ENO3: variants seen among roughly 807,000 people sequenced by gnomAD.
The protein encoded by ENO3 is enolase 3.
Under a neutral mutation model 47.7 loss-of-function variants are expected in ENO3, and 46 were observed. The ratio of observed to expected loss-of-function variants is 0.96; its 90% CI spans 0.76 to 1.23. The LOEUF is 1.23. Among genes scored for constraint, ENO3 ranks in the 50% most tolerant of loss-of-function variants. The pLI, the probability that ENO3 is intolerant of heterozygous loss-of-function variation, is 0.00. For synonymous variants in ENO3, 223 were observed against 225.9 expected (o/e 0.99, Z 0.11); for missense variants, 575 against 566.2 (o/e 1.02, Z -0.16).
At chr17:4,955,022 T>A in intron 6 of ENO3, 53 bp from the exon 7 acceptor site, 2 of 1,395,408 alleles carry the variant, frequency 1.4e-6, no homozygotes, top group Non-Finnish European at 9.9e-7. Context: ...CCCCTGTCCC[T>A]TCTTGAGCTC....
At chr17:4,949,926 C>T (rs769268160), upstream of ENO3, among the ~76,000 whole-genome samples, 260 of 152,144 alleles carry the variant, frequency 1.7e-3, 1 homozygote, top group Non-Finnish European at 3.0e-3. Context: ...ATCTCCTGAC[C>T]CCTGGCCCAC....
upstream of ENO3, chr17:4,950,276 C>G (rs777374196): frequency 1.3e-5 from 2 of 152,256 alleles, no homozygotes; most frequent in East Asian, 3.9e-4. Context: ...GGGCAGAGAC[C>G]TACCTCCCCG....
chr17:4,951,872 A>G lies in ENO3; in HGVS notation c.43A>G (p.Arg15Gly). The G allele has an allele frequency of 1.9e-6, 3 of 1,614,164 alleles. No individual in the cohort carries two copies. The highest frequency in any genetic ancestry group is 2.5e-6 in the Non-Finnish European group (3 of 1,180,008). The change falls in exon 2 of 12, where the codon AGG (arginine) becomes GGG (glycine). Residue 15 changes from arginine to glycine, a missense_variant. By Grantham distance (125) the Arg-to-Gly change is moderately radical. Coordinates refer to ENST00000519602, the MANE Select transcript of ENO3 (RefSeq NM_053013.4). ...CTTTGCCCGGGAAATCTTGGACTCC[A>G]GGGGCAACCCCACGGTGGAGGTGGA... ...KIFAREILDSRGNPTVEVDLH... is the reference protein window; with the variant it reads ...KIFAREILDSGGNPTVEVDLH...
Position 4,955,599 on chromosome 17 carries a change from A to G in ENO3, c.860A>G (p.Tyr287Cys), listed in dbSNP as rs1038733889. Residue 287 changes from tyrosine to cysteine, a missense_variant, in exon 8 of 12, where the codon TAT (tyrosine) becomes TGT (cysteine). By Grantham distance (194) the Tyr-to-Cys change is radical. Transcript: ENST00000519602. ...CTGTATAAGAGCTTTATCAAGAACT[A>G]TCCTGGTGAGGCGTTCGGGTGTCCC... ...GELYKSFIKN[Y>C]PVVSIEDPFD... The G allele has an allele frequency of 5.6e-5, 90 of 1,614,108 alleles. No individual in the cohort carries two copies. Among genetic ancestry groups the G allele is most frequent in the Non-Finnish European group, 7.6e-5 (90 of 1,180,052 alleles).
In ENO3 at chr17:4,956,674, C is replaced by T. The variant is rs765650202; in HGVS notation, c.1169C>T (p.Thr390Ile). The T allele has an allele frequency of 2.5e-6, 4 of 1,614,194 alleles. No individual in the cohort carries two copies. Among genetic ancestry groups the T allele is most frequent in the Non-Finnish European group, 3.4e-6 (4 of 1,180,032 alleles). Residue 390 changes from threonine (T) to isoleucine (I), a missense_variant, in exon 10 of 12, where the codon ACA (threonine) becomes ATA (isoleucine). Transcript: ENST00000519602. ...GCTGACCTTGTGGTGGGGCTCTGCA[C>T]AGGACAGGTACTTGTAGCTTCTCTC... Reference protein sequence around the residue: ...FIADLVVGLCTGQIKTGAPCR... With the variant: ...FIADLVVGLCIGQIKTGAPCR...
chr17:4,949,669 C>T (rs1342769550), upstream of ENO3, among the ~76,000 whole-genome samples: 1 of 152,116 alleles, frequency 6.6e-6, no homozygotes, highest in African/African-American at 2.4e-5. Context: ...TCCTCCGACC[C>T]GCCGCCGAGG....
chr17:4,955,321 G>T, intron 7 of ENO3, 24 bp downstream of exon 7: 1 of 1,614,112 alleles, frequency 6.2e-7, no homozygotes, highest in Non-Finnish European at 8.5e-7. Context: ...ACCCTGGGGG[G>T]CAGACCCCCT....
At position 4,953,693 on chromosome 17, in the gene ENO3, C is replaced by A; in HGVS notation, c.311-19C>A. The A allele has an allele frequency of 6.2e-7, 1 of 1,614,244 alleles. No homozygotes were observed. Among genetic ancestry groups the A allele is most frequent in the Non-Finnish European group, 8.5e-7 (1 of 1,180,044 alleles). On this transcript the variant is annotated intron_variant, in intron 5 of 11. Coordinates refer to ENST00000519602, the MANE Select transcript of ENO3 (RefSeq NM_053013.4). Reference sequence around the variant, plus strand: ...CCTGCAGAAGCTCTCATCCTTTCTTCCCGCTTGCCTCCTTCCAGCCAAGTT... The same window carrying A: ...CCTGCAGAAGCTCTCATCCTTTCTTACCGCTTGCCTCCTTCCAGCCAAGTT...
intron 8 of ENO3, 124 bp from the exon 9 acceptor site, chr17:4,955,818 C>T (rs28619016): frequency 2.8e-5 from 15 of 543,974 alleles, no homozygotes; most frequent in African/African-American, 2.0e-4. Flanking sequence ...TGTCTCTGCC[C>T]TGTCTCTGCT....
chr17:4,956,792 A>G, intron 10 of ENO3, 39 bp from the exon 11 acceptor site: 1 of 1,614,118 alleles, frequency 6.2e-7, no homozygotes, highest in Non-Finnish European at 8.5e-7. Context: ...CCTCCTTTCC[A>G]GCCTCACCTA....
intron 6 of ENO3, 107 bp downstream of exon 6, chr17:4,953,952 A>C (rs1971639163): frequency 1.9e-6 from 3 of 1,549,638 alleles, no homozygotes; most frequent in Non-Finnish European, 1.8e-6. Context: ...AGCTCCTAAG[A>C]AGCAGTTTCC....
Position 4,952,731 on chromosome 17 carries a change from G to A in ENO3, c.86-64G>A, listed in dbSNP as rs906120908. On this transcript the variant is annotated intron_variant, in intron 2 of 11. Coordinates refer to ENST00000519602, the MANE Select transcript of ENO3 (RefSeq NM_053013.4). ...CCTGCCTAGGCCTCTCAAAGTGCTG[G>A]GATTACAGGCATGGGCCACCGCGCC... 3 of 1,511,012 alleles carry A rather than the reference G, an allele frequency of 2.0e-6. No homozygotes were observed. In the African/African-American group the frequency reaches 4.1e-5, roughly 21 times the overall value. 93.6% of individuals were successfully genotyped at this position (1,511,012 alleles called of 1,614,324 possible). A position where few individuals can be genotyped will look rare whatever the true frequency, so the allele number is the denominator to read the frequency against.
At chr17:4,954,046 T>C in intron 6 of ENO3, 1 of 775,470 alleles carries the variant, frequency 1.3e-6, no homozygotes, top group Non-Finnish European at 2.1e-6. Flanking sequence ...ATGTGCTTCC[T>C]TCCCTGCCAT....
upstream of ENO3, chr17:4,950,747 C>A: frequency 1.1e-6 from 1 of 900,390 alleles, no homozygotes; most frequent in Non-Finnish European, 1.3e-6. Flanking sequence ...CTCTTCCAGG[C>A]CCCCTCCCCA....
chr17:4,952,875 C>A lies in ENO3; in HGVS notation c.166C>A (p.Arg56Ser). ...ALELRDGDKG[R>S]YLGKGVLKAV... ...GGAACTAAGAGACGGAGACAAAGGC[C>A]GCTACCTGGGGAAAGGTGAGGAGAC... Residue 56 changes from arginine (R) to serine (S), a missense_variant, in exon 3 of 12, where the codon CGC becomes AGC. Arg to Ser is a moderately radical substitution (Grantham distance 110). Coordinates refer to ENST00000519602, the MANE Select transcript of ENO3 (RefSeq NM_053013.4). The A allele has an allele frequency of 6.2e-7, 1 of 1,612,402 alleles. No individual in the cohort carries two copies. The highest frequency in any genetic ancestry group is 8.5e-7 in the Non-Finnish European group (1 of 1,179,136).
chr17:4,951,033 G>T (rs974157754), upstream of ENO3: 37 of 986,220 alleles, frequency 3.8e-5, no homozygotes, highest in East Asian at 2.3e-4. Flanking sequence ...CAGTGTGAAG[G>T]GGGGAGGATG....
Position 4,955,522 on chromosome 17 carries a change from C to G in ENO3, c.783C>G (p.Phe261Leu). ...GCAATGGGAAGTACGATCTTGACTT[C>G]AAGTCGCCTGATGATCCCGCACGGC... is the stretch of plus-strand genomic sequence containing the variant. ...FYRNGKYDLDFKSPDDPARHI... is the reference protein window; with the variant it reads ...FYRNGKYDLDLKSPDDPARHI... Residue 261 changes from phenylalanine (F) to leucine (L), a missense_variant, in exon 8 of 12, where the codon TTC becomes TTG. Coordinates refer to ENST00000519602, the MANE Select transcript of ENO3 (RefSeq NM_053013.4). 2 of 1,614,128 alleles carry G rather than the reference C, an allele frequency of 1.2e-6. No homozygotes were observed. Among genetic ancestry groups the G allele is most frequent in the Non-Finnish European group, 1.7e-6 (2 of 1,180,052 alleles).
At chr17:4,953,238 C>G (rs1971605612) in intron 4 of ENO3, 34 bp from the exon 5 acceptor site, 2 of 1,613,678 alleles carry the variant, frequency 1.2e-6, no homozygotes, top group South Asian at 1.1e-5. Flanking sequence ...AGAAATCTGA[C>G]CTCTGCTCTC....
chr17:4,953,765 G>A lies in ENO3; in HGVS notation c.364G>A (p.Gly122Arg). 6.2e-7 allele frequency: 1 copy of A among 1,614,240 alleles called. No homozygotes were observed. The highest frequency in any genetic ancestry group is 8.5e-7 in the Non-Finnish European group (1 of 1,180,046). Residue 122 changes from glycine to arginine, a missense_variant, in exon 6 of 12, where the codon GGA becomes AGA. Transcript: ENST00000519602. ...LGVSLAVCKA[G>R]AAEKGVPLYR... ...CGTGTCCTTGGCCGTGTGTAAGGCGGGAGCAGCTGAGAAGGGGGTCCCCCT... is the reference window on the plus strand; with the variant it reads ...CGTGTCCTTGGCCGTGTGTAAGGCGAGAGCAGCTGAGAAGGGGGTCCCCCT...
Sources: gnomAD v4.1 joint callset for allele counts (sites outside exome capture counted in the v4.1 genomes callset) on GRCh38, gnomAD v4.1.1 for gene constraint, MANE v1.5 for transcripts, NCBI Gene and HGNC (gene_info 2026-07-23, HGNC 2026-07-21) for gene names.